The following MYCBPAP variants were observed in gnomAD, a reference collection of about 807,000 sequenced individuals.
MYCBPAP encodes the protein MYCBP associated protein.
Under a neutral mutation model 106.1 loss-of-function variants are expected in MYCBPAP, and 60 were observed. The ratio of observed to expected loss-of-function variants is 0.57; its 90% CI spans 0.46 to 0.70. MYCBPAP has a LOEUF of 0.70. Among genes scored for constraint, MYCBPAP ranks in the 30% least tolerant of loss-of-function variants. The pLI is 0.00. For missense variants in MYCBPAP, 1,064 were observed against 1,169.3 expected (o/e 0.91, Z 1.31); for synonymous variants, 407 against 440.6 (o/e 0.92, Z 0.95).
intron 2 of MYCBPAP, among the ~76,000 whole-genome samples, chr17:50,517,001 A>G (rs1051695744): frequency 2.0e-5 from 3 of 152,224 alleles, no homozygotes; most frequent in East Asian, 3.8e-4. Flanking sequence ...GAGCCAAGGT[A>G]CAGCTCTGGG....
rs114809422 is a variant in MYCBPAP, at chr17:50,520,909, G to A, written c.917-201G>A. On this transcript the variant is annotated intron_variant, in intron 7 of 18. Coordinates refer to ENST00000323776, the MANE Select transcript of MYCBPAP (RefSeq NM_032133.6). ...AATCCAAAGATTTGGCTATTTGGAA[G>A]CTAATTTTTCAGGAGTCTTGTGTAG... 260 of 555,490 alleles carry A rather than the reference G, an allele frequency of 4.7e-4. 2 individuals carry two copies. The highest frequency in any genetic ancestry group is 4.2e-3 in the African/African-American group (226 of 53,274). 34.4% of individuals were successfully genotyped at this position (555,490 alleles called of 1,614,324 possible).
At chr17:50,511,697 T>C (rs1456717954) in intron 1 of MYCBPAP, among the ~76,000 whole-genome samples, 1 of 152,048 alleles carries the variant, frequency 6.6e-6, no homozygotes, top group African/African-American at 2.4e-5. Flanking sequence ...AAGGGAGAAA[T>C]GTCAGCTGGG....
chr17:50,522,709 A>AAAAAAATATATATAT, intron 10 of MYCBPAP: 4 of 50,040 alleles, frequency 8.0e-5, no homozygotes, highest in African/African-American at 3.6e-4. Flanking sequence ...AAAAAAAAAA[A>AAAAAAATATATATAT]ATATATATAT....
chr17:50,526,497 T>C (rs6504669), intron 14 of MYCBPAP, among the ~76,000 whole-genome samples: 109,258 of 151,746 alleles, frequency 0.72, 39,670 homozygotes, highest in East Asian at 0.87. Context: ...CAATCTCGGC[T>C]CACTGCAACC....
At chr17:50,521,029 C>T in intron 7 of MYCBPAP, 81 bp from the exon 8 acceptor site, 1 of 1,090,050 alleles carries the variant, frequency 9.2e-7, no homozygotes, top group Non-Finnish European at 1.4e-6. Context: ...TTGGGATAGG[C>T]ACTCTCAGAG....
At chr17:50,508,202 A>C, upstream of MYCBPAP, 1 of 253,284 alleles carries the variant, frequency 3.9e-6, no homozygotes, top group Non-Finnish European at 7.5e-6. Context: ...ATGTGGCCTT[A>C]GTCGAGGAAG....
chr17:50,525,419 C>G (rs570412975), intron 13 of MYCBPAP, among the ~76,000 whole-genome samples: 19 of 152,330 alleles, frequency 1.2e-4, no homozygotes, highest in African/African-American at 4.6e-4. Context: ...AAGCTCTGTT[C>G]TGCGCATCTT....
Position 50,518,522 on chromosome 17 carries a change from C to A in MYCBPAP, c.469-19C>A. On this transcript the variant is annotated intron_variant, in intron 4 of 18. Transcript: ENST00000323776. Reference sequence around the variant, plus strand: ...GAGCCTTCTTACTGCCCTCCACATACCTATGTTGTACTTTTCAGCTGGCTG... The same window carrying A: ...GAGCCTTCTTACTGCCCTCCACATAACTATGTTGTACTTTTCAGCTGGCTG... 1.3e-6 allele frequency: 2 copies of A among 1,549,108 alleles called. No individual in the cohort carries two copies. Among genetic ancestry groups the A allele is most frequent in the Middle Eastern group, 1.7e-4 (1 of 5,722 alleles).
chr17:50,530,040 A>T (rs2034584405), intron 18 of MYCBPAP: 1 of 366,274 alleles, frequency 2.7e-6, no homozygotes, highest in South Asian at 2.0e-5. Context: ...TACATCATGT[A>T]TTGTGGTCAC....
chr17:50,525,806 T>A, intron 13 of MYCBPAP, 75 bp from the exon 14 acceptor site: 1 of 1,493,082 alleles, frequency 6.7e-7, no homozygotes, highest in Non-Finnish European at 8.9e-7. Context: ...ACTATTTATG[T>A]CCTTATTTAC....
rs1597828427 is a variant in MYCBPAP, at chr17:50,517,385, G to A, written c.297G>A (p.Arg99=). ...IRKLKPMDPR[R]KVCHLVARPA... Reference sequence around the variant, plus strand: ...AACTCAAACCCATGGATCCTAGGAGGAAGGTCTGCCACCTTGTAGCACGTC... The same window carrying A: ...AACTCAAACCCATGGATCCTAGGAGAAAGGTCTGCCACCTTGTAGCACGTC... The change falls in exon 3 of 19, where the codon AGG becomes AGA. Residue 99 remains arginine, a synonymous_variant. Transcript: ENST00000323776. 6.2e-7 allele frequency: 1 copy of A among 1,614,160 alleles called. No homozygotes were observed. Among genetic ancestry groups the A allele is most frequent in the African/African-American group, 1.3e-5 (1 of 75,054 alleles).
chr17:50,519,295 C>T, intron 6 of MYCBPAP: 1 of 592,116 alleles, frequency 1.7e-6, no homozygotes, highest in Non-Finnish European at 3.0e-6. Context: ...GGTGACCACA[C>T]AGGTAGCAAG....
chr17:50,519,318 T>C, intron 6 of MYCBPAP: 1 of 587,204 alleles, frequency 1.7e-6, no homozygotes, highest in South Asian at 2.1e-5. Flanking sequence ...ATTAGAGTAG[T>C]CTTAGTGTTT....
chr17:50,508,422 T>A (rs1226110255), upstream of MYCBPAP: 4 of 902,490 alleles, frequency 4.4e-6, no homozygotes, highest in Non-Finnish European at 6.4e-6. Context: ...GCCTGTGGCG[T>A]CACAGGCCGG....
chr17:50,526,414 C>CTATTTATTTATTTATTTATTTATT (rs60864374), intron 14 of MYCBPAP, 147 bp downstream of exon 14: 1 of 365,630 alleles, frequency 2.7e-6, no homozygotes, highest in East Asian at 6.6e-5. Context: ...ATCTATCTAT[C>CTATTTATTTATTTATTTATTTATT]TATTTATTTA....
intron 1 of MYCBPAP, among the ~76,000 whole-genome samples, chr17:50,515,665 C>A (rs573907575): frequency 6.6e-6 from 1 of 152,284 alleles, no homozygotes; most frequent in Admixed American, 6.5e-5. Flanking sequence ...AAAACTCCCC[C>A]AAAGATTCTG....
Position 50,508,588 on chromosome 17 carries a change from G to T in MYCBPAP, c.-87G>T. Reference sequence around the variant, plus strand: ...GGGCACCGGTTGCTGTGGACGCAGTGGCGGCCGTTGGCTGGCGGGTGCGGC... The same window carrying T: ...GGGCACCGGTTGCTGTGGACGCAGTTGCGGCCGTTGGCTGGCGGGTGCGGC... On this transcript the variant is annotated 5_prime_UTR_variant, in exon 1 of 19. Transcript: ENST00000323776. 1 of 1,554,816 alleles carries T rather than the reference G, an allele frequency of 6.4e-7. No homozygotes were observed. Among genetic ancestry groups the T allele is most frequent in the South Asian group, 1.2e-5 (1 of 86,008 alleles).
chr17:50,522,158 C>A, intron 10 of MYCBPAP, 77 bp downstream of exon 10: 1 of 1,141,954 alleles, frequency 8.8e-7, no homozygotes, highest in Non-Finnish European at 1.3e-6. Context: ...CAGTTACCAG[C>A]AGCCTGCACA....
intron 1 of MYCBPAP, among the ~76,000 whole-genome samples, chr17:50,515,706 C>T (rs2034023209): frequency 6.6e-6 from 1 of 152,198 alleles, no homozygotes; most frequent in African/African-American, 2.4e-5. Context: ...ACTTGGGAAC[C>T]ACTGATTTAG....
Sources: gnomAD v4.1 joint callset for allele counts (sites outside exome capture counted in the v4.1 genomes callset) on GRCh38, gnomAD v4.1.1 for gene constraint, MANE v1.5 for transcripts, NCBI Gene and HGNC (gene_info 2026-07-23, HGNC 2026-07-21) for gene names.